Variants in NOS1 observed in about 807,000 individuals in gnomAD.
NOS1 encodes NOS type I.
In NOS1, 51 loss-of-function variants were observed where a neutral mutation model predicts 164.5. The ratio of observed to expected loss-of-function variants is 0.31; its 90% CI spans 0.25 to 0.39. The LOEUF (loss-of-function observed/expected upper bound fraction) is 0.39. Ranked by LOEUF, NOS1 falls within the 10% of genes least tolerant of loss-of-function variation. The probability of loss-of-function intolerance (pLI) is 1.00; values close to 1 mark genes in which losing one functional copy is unlikely to be tolerated. For synonymous variants in NOS1, 719 were observed against 745.8 expected (o/e 0.96, Z 0.59); for missense variants, 1,362 against 1,885.6 (o/e 0.72, Z 5.14).
At chr12:117,335,450 T>G (rs1314803304) in intron 1 of NOS1, among the ~76,000 whole-genome samples, 1 of 152,164 alleles carries the variant, frequency 6.6e-6, no homozygotes, top group Non-Finnish European at 1.5e-5. Context: ...GTTCAGTGGC[T>G]TCGGGTGTAT....
intron 3 of NOS1, among the ~76,000 whole-genome samples, chr12:117,297,732 G>A (rs1328961126): frequency 6.6e-6 from 1 of 152,198 alleles, no homozygotes; most frequent in Non-Finnish European, 1.5e-5. Flanking sequence ...GTAAGAAGCA[G>A]GTGTGCTGGG....
chr12:117,266,808 G>A (rs1411971726), intron 11 of NOS1, among the ~76,000 whole-genome samples: 30 of 152,144 alleles, frequency 2.0e-4, no homozygotes, highest in Non-Finnish European at 1.5e-5. Flanking sequence ...AAAGTGCTGG[G>A]ATTACAGGTG....
At position 117,261,394 on chromosome 12, in the gene NOS1, T is replaced by C. The variant is rs565858108; in HGVS notation, c.2223-785A>G. Among the ~76,000 whole-genome samples the C allele has an allele frequency of 1.3e-3, 205 of 152,194 alleles. 1 individual carries two copies. Among genetic ancestry groups the C allele is most frequent in the African/African-American group, 4.6e-3 (191 of 41,528 alleles). On this transcript the variant is annotated intron_variant, in intron 13 of 28. Coordinates refer to ENST00000317775, the MANE Select transcript of NOS1 (RefSeq NM_000620.5). Reference sequence around the variant, plus strand: ...GCTTAACTATGTGTCAGTATTGTTATAGGAAATGGAGACCACAGAGAACAT... The same window carrying C: ...GCTTAACTATGTGTCAGTATTGTTACAGGAAATGGAGACCACAGAGAACAT...
intron 2 of NOS1, among the ~76,000 whole-genome samples, chr12:117,329,770 A>G (rs1170000838): frequency 2.0e-5 from 3 of 152,162 alleles, no homozygotes; most frequent in African/African-American, 7.2e-5. Flanking sequence ...GGTTTTTAGG[A>G]ACCGGGGCCA....
intron 2 of NOS1, among the ~76,000 whole-genome samples, chr12:117,316,246 G>C (rs187316690): frequency 1.3e-5 from 2 of 152,124 alleles, no homozygotes; most frequent in Non-Finnish European, 2.9e-5. Flanking sequence ...GCTGGGGGCT[G>C]GGGCACACGT....
rs1378467954 is a variant in NOS1, at chr12:117,213,437, G to A, written c.*1872C>T. The A allele has an allele frequency of 3.0e-6, 3 of 985,428 alleles. No homozygotes were observed. The South Asian group carries it at 1.4e-4, about 46-fold the overall frequency. 61.0% of individuals were successfully genotyped at this position (985,428 alleles called of 1,614,324 possible). A position where few individuals can be genotyped will look rare whatever the true frequency, so the allele number is the denominator to read the frequency against. ...GCAGGGGAAATTGGGATTAAAGGAA[G>A]GCAGGGGAGATTATAGCTGGCATGA... On this transcript the variant is annotated 3_prime_UTR_variant, in exon 29 of 29. Transcript: ENST00000317775.
chr12:117,327,858 A>C (rs1437986045), intron 2 of NOS1, among the ~76,000 whole-genome samples: 3 of 152,244 alleles, frequency 2.0e-5, no homozygotes, highest in African/African-American at 7.2e-5. Context: ...CCCTCTGCCC[A>C]GGGACTTGTG....
intron 27 of NOS1, among the ~76,000 whole-genome samples, chr12:117,219,521 G>A (rs1006154220): frequency 1.3e-5 from 2 of 151,986 alleles, no homozygotes; most frequent in African/African-American, 4.8e-5. Context: ...TAGTCAGGCT[G>A]GTCTTGAACT....
Position 117,264,357 on chromosome 12 carries a change from T to G in NOS1, c.2137-383A>C, listed in dbSNP as rs556705963. Among the ~76,000 whole-genome samples, 12 of 152,076 alleles carry G rather than the reference T, an allele frequency of 7.9e-5. No homozygotes were observed. The East Asian group carries it at 2.3e-3, about 30-fold the overall frequency. ...GTGTGATCATAGCTCACTGCAGCCT[T>G]GACCTCCCTAGCTCAAGGGATCCTC... is the stretch of plus-strand genomic sequence containing the variant. On this transcript the variant is annotated intron_variant, in intron 12 of 28. Transcript: ENST00000317775.
At chr12:117,237,707 C>T (rs1055973588) in intron 20 of NOS1, among the ~76,000 whole-genome samples, 7 of 151,928 alleles carry the variant, frequency 4.6e-5, no homozygotes, top group Admixed American at 6.6e-5. Flanking sequence ...GTGCATTCTT[C>T]AGTGAAAAGA....
chr12:117,294,284 G>A (rs1267137345), intron 3 of NOS1, among the ~76,000 whole-genome samples: 1 of 152,162 alleles, frequency 6.6e-6, no homozygotes, highest in African/African-American at 2.4e-5. Flanking sequence ...CAGGCGTGAG[G>A]AGGAGGAGCA....
In NOS1 at chr12:117,288,145, G is replaced by A. The variant is rs760416528; in HGVS notation, c.1056C>T (p.Asp352=). 64 of 1,613,944 alleles carry A rather than the reference G, an allele frequency of 4.0e-5. No homozygotes were observed. The highest frequency in any genetic ancestry group is 4.9e-5 in the Non-Finnish European group (58 of 1,179,966). ...HPSQHARRPE[D]VRTKGQLFPL... ...GGAAGAGCTGTCCTTTTGTGCGGAC[G>A]TCTTCAGGCCTCCTTGCATGCTGAG... The change falls in exon 5 of 29, where the codon GAC becomes GAT. Residue 352 remains aspartate (D), a synonymous_variant. Coordinates refer to ENST00000317775, the MANE Select transcript of NOS1 (RefSeq NM_000620.5).
intron 16 of NOS1, among the ~76,000 whole-genome samples, chr12:117,256,218 G>A (rs1871431736): frequency 1.3e-5 from 2 of 151,562 alleles, no homozygotes; most frequent in African/African-American, 4.9e-5. Flanking sequence ...TCAGTCTCCT[G>A]GGTATCAAAC....
At chr12:117,336,508 A>C (rs1875829304) in intron 1 of NOS1, among the ~76,000 whole-genome samples, 1 of 152,184 alleles carries the variant, frequency 6.6e-6, no homozygotes, top group South Asian at 2.1e-4. Flanking sequence ...AATGTGCTGC[A>C]AGAGTAAAGT....
chr12:117,252,514 A>G (rs560195892), intron 17 of NOS1, among the ~76,000 whole-genome samples: 2 of 152,356 alleles, frequency 1.3e-5, no homozygotes, highest in Admixed American at 6.5e-5. Context: ...CAAAACCTAT[A>G]GAATGTTCAA....
chr12:117,331,208 T>C lies in NOS1; in HGVS notation c.-139A>G. The C allele has an allele frequency of 8.9e-7, 1 of 1,122,960 alleles. No individual in the cohort carries two copies. The highest frequency in any genetic ancestry group is 1.6e-5 in the South Asian group (1 of 63,988). The allele number at this position is 1,122,960 out of a possible 1,614,324, so 69.6% of individuals were successfully genotyped here. ...ACAGGTGCTGACAAGGCTTCAGCCCTCTCTGTCTTTGACGTCAGCTCAGCG... is the reference window on the plus strand; with the variant it reads ...ACAGGTGCTGACAAGGCTTCAGCCCCCTCTGTCTTTGACGTCAGCTCAGCG... On this transcript the variant is annotated 5_prime_UTR_variant, in exon 2 of 29. Transcript: ENST00000317775.
At chr12:117,348,450 T>C (rs1028772773) in intron 1 of NOS1, 1 of 152,188 alleles carries the variant, frequency 6.6e-6, no homozygotes, top group Non-Finnish European at 1.5e-5. Flanking sequence ...CTTGTGAAGA[T>C]TCCATGAAGT....
chr12:117,296,736 C>G (rs942813622), intron 3 of NOS1, among the ~76,000 whole-genome samples: 1 of 152,174 alleles, frequency 6.6e-6, no homozygotes, highest in African/African-American at 2.4e-5. Flanking sequence ...CCATCCCCCA[C>G]CCCCATGTGA....
chr12:117,290,523 A>T, intron 3 of NOS1, 97 bp from the exon 4 acceptor site: 3 of 1,438,676 alleles, frequency 2.1e-6, no homozygotes, highest in Non-Finnish European at 2.8e-6. Context: ...TCTTCCTGGG[A>T]TCTGCCTTGA....
Sources: gnomAD v4.1 joint callset for allele counts (sites outside exome capture counted in the v4.1 genomes callset) on GRCh38, gnomAD v4.1.1 for gene constraint, MANE v1.5 for transcripts, NCBI Gene and HGNC (gene_info 2026-07-23, HGNC 2026-07-21) for gene names.